KCNJ6: variants seen among roughly 807,000 people sequenced by gnomAD.
KCNJ6 encodes the protein potassium inwardly rectifying channel subfamily J member 6.
KCNJ6 carries 9 observed loss-of-function variants against 34.2 expected under a neutral mutation model. The ratio of observed to expected loss-of-function variants is 0.26; its 90% CI spans 0.16 to 0.46. The LOEUF (loss-of-function observed/expected upper bound fraction) is 0.46. Among genes scored for constraint, KCNJ6 ranks in the 20% least tolerant of loss-of-function variants. The probability of loss-of-function intolerance (pLI) is 1.00; values close to 1 mark genes in which losing one functional copy is unlikely to be tolerated. For missense variants in KCNJ6, 236 were observed against 531.3 expected, an observed-to-expected ratio of 0.44 and a Z score of 5.46; for synonymous variants, 196 against 207.1, an observed-to-expected ratio of 0.95 and a Z score of 0.46.
rs577463950 is a variant in KCNJ6, at chr21:37,910,074, C to T, written c.-28+5810G>A. ...TCCTCTGATACTGGGATAGAGTGTT[C>T]CAGACCAATTCTTGATCTTGAATTC... is the stretch of plus-strand genomic sequence containing the variant. On this transcript the variant is annotated intron_variant, in intron 1 of 3. Coordinates refer to ENST00000609713, the MANE Select transcript of KCNJ6 (RefSeq NM_002240.5). Among the ~76,000 whole-genome samples the T allele has an allele frequency of 8.5e-5, 13 of 152,252 alleles. No individual in the cohort carries two copies. In the South Asian group the frequency reaches 2.7e-3, roughly 32 times the overall value.
chr21:37,726,419 G>T (rs1441844759), intron 2 of KCNJ6, among the ~76,000 whole-genome samples: 1 of 152,080 alleles, frequency 6.6e-6, no homozygotes, highest in Non-Finnish European at 1.5e-5. Flanking sequence ...CTCAGGCCCT[G>T]GAAAAAGCAC....
intron 1 of KCNJ6, among the ~76,000 whole-genome samples, chr21:37,844,475 T>A (rs1043718119): frequency 2.6e-5 from 4 of 152,062 alleles, no homozygotes; most frequent in Non-Finnish European, 5.9e-5. Context: ...ATGAAATAGC[T>A]CTGGGGGATC....
intron 3 of KCNJ6, among the ~76,000 whole-genome samples, chr21:37,710,047 T>C (rs1223770666): frequency 6.7e-6 from 1 of 148,938 alleles, no homozygotes; most frequent in Non-Finnish European, 1.5e-5. Flanking sequence ...TTATCTTCTT[T>C]AAGAAAAACT....
chr21:37,625,956 CT>C (rs1437502531), intron 3 of KCNJ6, among the ~76,000 whole-genome samples: 1 of 152,142 alleles, frequency 6.6e-6, no homozygotes, highest in African/African-American at 2.4e-5. Flanking sequence ...TGCTTTTAAG[CT>C]AGAGGCCACA....
intron 1 of KCNJ6, among the ~76,000 whole-genome samples, chr21:37,893,207 C>T (rs1439029779): frequency 6.6e-6 from 1 of 151,094 alleles, no homozygotes; most frequent in Non-Finnish European, 1.5e-5. Flanking sequence ...GAATGTTCCC[C>T]TATTTTTTTC....
intron 2 of KCNJ6, among the ~76,000 whole-genome samples, chr21:37,779,395 G>A: frequency 6.6e-6 from 1 of 152,122 alleles, no homozygotes; most frequent in East Asian, 1.9e-4. Flanking sequence ...TTTATTTCAA[G>A]GTATAGCAAT....
rs1321070529 is a variant in KCNJ6, at chr21:37,617,152, CTTCT to C, written c.*8003_*8006del. On this transcript the variant is annotated 3_prime_UTR_variant, in exon 4 of 4. Transcript: ENST00000609713. The stretch of plus-strand genomic sequence containing the variant: ...CCTTCTTTCTTTCCTTCCTTCCTTC[CTTCT>C]TTCTTTATCTTTTTTCCTTCCTTCC... The C allele has an allele frequency of 1.7e-4, 23 of 134,574 alleles. No individual in the cohort carries two copies. Among genetic ancestry groups the C allele is most frequent in the Admixed American group, 8.5e-4 (11 of 12,924 alleles). 8.3% of individuals were successfully genotyped at this position (134,574 alleles called of 1,614,324 possible). A position where few individuals can be genotyped will look rare whatever the true frequency, so the allele number is the denominator to read the frequency against.
intron 2 of KCNJ6, among the ~76,000 whole-genome samples, chr21:37,803,771 C>A (rs1387289444): frequency 6.6e-6 from 1 of 152,162 alleles, no homozygotes; most frequent in Non-Finnish European, 1.5e-5. Context: ...GAAGAAATAA[C>A]ACTATCTTCC....
chr21:37,655,744 T>C (rs575659196), intron 3 of KCNJ6, among the ~76,000 whole-genome samples: 212 of 152,284 alleles, frequency 1.4e-3, no homozygotes, highest in African/African-American at 4.8e-3. Context: ...TCAGCATGAC[T>C]CCCATGCATG....
rs979012498 is a variant in KCNJ6, at chr21:37,620,543, T to A, written c.*4616A>T. On this transcript the variant is annotated 3_prime_UTR_variant, in exon 4 of 4. Transcript: ENST00000609713. ...TACAATAACAGGCAGCAGGCCAGAT[T>A]TTTTTTTTTTTAGCAGATTTGGTTT... is the stretch of plus-strand genomic sequence containing the variant. 2.0e-5 allele frequency: 3 copies of A among 148,124 alleles called. No individual in the cohort carries two copies. The highest frequency in any genetic ancestry group is 7.3e-5 in the African/African-American group (3 of 40,850). 9.2% of individuals were successfully genotyped at this position (148,124 alleles called of 1,614,324 possible). A position where few individuals can be genotyped will look rare whatever the true frequency, so the allele number is the denominator to read the frequency against.
chr21:37,845,576 C>G (rs1439735309), intron 1 of KCNJ6, among the ~76,000 whole-genome samples: 1 of 152,202 alleles, frequency 6.6e-6, no homozygotes, highest in African/African-American at 2.4e-5. Flanking sequence ...GTTTGAGGAA[C>G]AAATGAGACA....
At chr21:37,711,720 G>T (rs973738340) in intron 3 of KCNJ6, among the ~76,000 whole-genome samples, 2 of 152,058 alleles carry the variant, frequency 1.3e-5, no homozygotes, top group Admixed American at 6.6e-5. Context: ...CTGTGCTGGG[G>T]GTACTGAGTT....
chr21:37,714,100 T>A lies in KCNJ6; in HGVS notation c.946+111A>T. The A allele has an allele frequency of 1.3e-6, 1 of 784,192 alleles. No individual in the cohort carries two copies. 48.6% of individuals were successfully genotyped at this position (784,192 alleles called of 1,614,324 possible). ...TATGTCATGAAGCAAGGGGATGTTG[T>A]CAATATTGAGTGAGGTTCAGTATTC... is the stretch of plus-strand genomic sequence containing the variant. On this transcript the variant is annotated intron_variant, in intron 3 of 3. Coordinates refer to ENST00000609713, the MANE Select transcript of KCNJ6 (RefSeq NM_002240.5). This position sits in a 1 kb window ranked among gnomAD's most constrained non-coding sequence, Gnocchi z 5.9.
intron 2 of KCNJ6, among the ~76,000 whole-genome samples, chr21:37,833,828 C>A (rs892079866): frequency 4.6e-5 from 7 of 152,176 alleles, no homozygotes; most frequent in Non-Finnish European, 7.4e-5. Flanking sequence ...AAAAATAACT[C>A]CAAACAACTG....
chr21:37,868,810 G>A (rs974582462), intron 1 of KCNJ6, among the ~76,000 whole-genome samples: 1 of 152,216 alleles, frequency 6.6e-6, no homozygotes, highest in African/African-American at 2.4e-5. Flanking sequence ...GTGGAGAGGG[G>A]AGGACAGAGG....
rs769018055 is a variant in KCNJ6 at position 37,671,264 on chromosome 21, A to G, written c.946+42947T>C. Among the ~76,000 whole-genome samples, 69 of 152,332 alleles carry G rather than the reference A, an allele frequency of 4.5e-4. 2 individuals are homozygous for G. Among genetic ancestry groups the G allele is most frequent in the Non-Finnish European group, 7.4e-5 (5 of 68,020 alleles). ...AAGGTTCAGTTGATCACCAATGGCCAATGATATCATTACTCATGCCTACAT... is the reference window on the plus strand; with the variant it reads ...AAGGTTCAGTTGATCACCAATGGCCGATGATATCATTACTCATGCCTACAT... On this transcript the variant is annotated intron_variant, in intron 3 of 3. Coordinates refer to ENST00000609713, the MANE Select transcript of KCNJ6 (RefSeq NM_002240.5).
intron 3 of KCNJ6, among the ~76,000 whole-genome samples, chr21:37,672,902 C>T (rs771121432): frequency 2.0e-5 from 3 of 152,146 alleles, no homozygotes; most frequent in African/African-American, 7.2e-5. Flanking sequence ...TCTCAGCCTC[C>T]CAAGTAGCTG....
intron 3 of KCNJ6, among the ~76,000 whole-genome samples, chr21:37,648,913 C>A (rs903715581): frequency 1.3e-5 from 2 of 151,990 alleles, no homozygotes; most frequent in Non-Finnish European, 2.9e-5. Context: ...GGGCAGATCA[C>A]CTGAGGTCAG....
intron 1 of KCNJ6, among the ~76,000 whole-genome samples, chr21:37,868,554 A>T (rs746445641): frequency 6.6e-6 from 1 of 152,200 alleles, no homozygotes; most frequent in East Asian, 1.9e-4. Context: ...GAGGAGAAAC[A>T]TCTCTCTGGG....
Sources: gnomAD v4.1 joint callset for allele counts (sites outside exome capture counted in the v4.1 genomes callset) on GRCh38, gnomAD v4.1.1 for gene constraint, Gnocchi (gnomAD v3.1) non-coding constraint, MANE v1.5 for transcripts, NCBI Gene and HGNC (gene_info 2026-07-23, HGNC 2026-07-21) for gene names.